Variants in CCDC171 observed in about 807,000 individuals in gnomAD.
The protein encoded by CCDC171 is coiled-coil domain containing 171, also known as coiled-coil domain-containing protein 171.
In CCDC171, 177 loss-of-function variants were observed where a neutral mutation model predicts 168.2. The ratio of observed to expected loss-of-function variants is 1.05; its 90% CI spans 0.93 to 1.19. The LOEUF (loss-of-function observed/expected upper bound fraction) is 1.19, where lower values mean the gene tolerates loss of function less well. Among genes scored for constraint, CCDC171 ranks in the 50% most tolerant of loss-of-function variants. The pLI, the probability that CCDC171 is intolerant of heterozygous loss-of-function variation, is 0.00. For synonymous variants in CCDC171, 687 were observed against 540.8 expected, an observed-to-expected ratio of 1.27 and a Z score of -3.75; for missense variants, 1,991 against 1,539.0, an observed-to-expected ratio of 1.29 and a Z score of -4.91.
At chr9:15,710,610 T>G (rs1476281019) in intron 11 of CCDC171, among the ~76,000 whole-genome samples, 2 of 151,690 alleles carry the variant, frequency 1.3e-5, no homozygotes, top group Non-Finnish European at 2.9e-5. Flanking sequence ...CCTCTTTCAT[T>G]TTTTTGAGAT....
At chr9:15,966,809 C>T (rs1428032190) in intron 25 of CCDC171, among the ~76,000 whole-genome samples, 1 of 151,904 alleles carries the variant, frequency 6.6e-6, no homozygotes, top group East Asian at 1.9e-4. Flanking sequence ...TTCCTACCAG[C>T]TTGTTATTGG....
chr9:16,024,594 G>T (rs556182166), intron 6 of CCDC171, among the ~76,000 whole-genome samples: 17 of 152,342 alleles, frequency 1.1e-4, no homozygotes, highest in African/African-American at 4.1e-4. Flanking sequence ...GAGGAACTGT[G>T]TGCTACTTTC....
intron 25 of CCDC171, among the ~76,000 whole-genome samples, chr9:15,967,282 G>T (rs999557001): frequency 2.0e-5 from 3 of 152,180 alleles, no homozygotes; most frequent in Non-Finnish European, 4.4e-5. Context: ...ATCTGTTTAT[G>T]TGGAGCTGTG....
At chr9:15,953,236 G>T (rs562662401) in intron 25 of CCDC171, among the ~76,000 whole-genome samples, 1 of 152,256 alleles carries the variant, frequency 6.6e-6, no homozygotes, top group East Asian at 1.9e-4. Flanking sequence ...GGTGAAAGGA[G>T]TCAGGTTTGC....
chr9:16,052,815 G>C (rs1467009315), intron 1 of CCDC171, among the ~76,000 whole-genome samples: 1 of 133,300 alleles, frequency 7.5e-6, no homozygotes, highest in Non-Finnish European at 1.6e-5. Context: ...ATTACACTTT[G>C]AGAAGTTGTT....
intron 18 of CCDC171, among the ~76,000 whole-genome samples, chr9:15,757,743 G>A (rs1349675338): frequency 6.6e-6 from 1 of 152,170 alleles, no homozygotes; most frequent in Admixed American, 6.5e-5. Context: ...CCGTGCTGTG[G>A]TCAGCCTAGG....
chr9:15,588,508 C>G (rs1240723497), intron 4 of CCDC171: 1 of 334,456 alleles, frequency 3.0e-6, no homozygotes, highest in Non-Finnish European at 6.0e-6. Context: ...GAAAAGGTAC[C>G]CAAAGGGAAA....
chr9:15,673,078 G>A (rs2133288945), intron 9 of CCDC171, among the ~76,000 whole-genome samples: 1 of 152,260 alleles, frequency 6.6e-6, no homozygotes, highest in East Asian at 1.9e-4. Context: ...CACATCCCTT[G>A]TAAGTTGTAT....
intron 24 of CCDC171, among the ~76,000 whole-genome samples, chr9:15,891,425 G>C (rs1408381322): frequency 6.6e-6 from 1 of 152,140 alleles, no homozygotes; most frequent in Non-Finnish European, 1.5e-5. Context: ...CAAAAGGTCA[G>C]AATTAGGATG....
At chr9:16,072,201 C>T in the CCDC171 span, among the ~76,000 whole-genome samples, 1 of 152,180 alleles carries the variant, frequency 6.6e-6, no homozygotes, top group African/African-American at 2.4e-5. Context: ...TTCCAGTCAC[C>T]ACCCAAGATT....
intron 1 of CCDC171, among the ~76,000 whole-genome samples, chr9:16,054,867 C>G (rs528917400): frequency 4.0e-4 from 61 of 152,106 alleles, no homozygotes; most frequent in Non-Finnish European, 7.9e-4. Context: ...TTGTGACAAC[C>G]CAGACACCCC....
chr9:15,929,467 A>G (rs1826253441), intron 25 of CCDC171, among the ~76,000 whole-genome samples: 1 of 151,724 alleles, frequency 6.6e-6, no homozygotes, highest in African/African-American at 2.4e-5. Context: ...GTTTCTCCTA[A>G]TTCTCCTTTG....
chr9:15,939,880 C>A (rs1255443637), intron 25 of CCDC171, among the ~76,000 whole-genome samples: 13 of 151,778 alleles, frequency 8.6e-5, no homozygotes, highest in Admixed American at 7.9e-4. Context: ...CATAAAGTAT[C>A]AATTACATAC....
chr9:15,688,771 A>G (rs1042015549), intron 10 of CCDC171, among the ~76,000 whole-genome samples: 1 of 152,198 alleles, frequency 6.6e-6, no homozygotes, highest in African/African-American at 2.4e-5. Flanking sequence ...AAGACTGAAT[A>G]CTTTCACCAT....
intron 23 of CCDC171, among the ~76,000 whole-genome samples, chr9:15,868,715 G>T (rs1277523311): frequency 6.6e-6 from 1 of 151,982 alleles, no homozygotes; most frequent in African/African-American, 2.4e-5. Context: ...ACTGTTAATT[G>T]TTCATATATA....
chr9:15,847,893 A>G (rs1225211644), intron 22 of CCDC171, among the ~76,000 whole-genome samples: 1 of 152,100 alleles, frequency 6.6e-6, no homozygotes, highest in African/African-American at 2.4e-5. Context: ...TTGAATAACC[A>G]CTGATAATTT....
intron 24 of CCDC171, among the ~76,000 whole-genome samples, chr9:15,891,958 A>G (rs1452974660): frequency 2.0e-5 from 3 of 152,146 alleles, no homozygotes; most frequent in African/African-American, 7.2e-5. Context: ...GCCTGAATAG[A>G]TCACTAACCT....
At chr9:15,657,552 CT>C (rs1156336501) in intron 8 of CCDC171, among the ~76,000 whole-genome samples, 1 of 152,082 alleles carries the variant, frequency 6.6e-6, no homozygotes, top group African/African-American at 2.4e-5. Flanking sequence ...TTGGAGTGTT[CT>C]TTTACGGCTG....
chr9:15,917,993 T>G (rs1824774714), intron 24 of CCDC171, among the ~76,000 whole-genome samples: 1 of 151,706 alleles, frequency 6.6e-6, no homozygotes, highest in African/African-American at 2.4e-5. Context: ...ACAATGAAAT[T>G]CAATAGTTTA....
Sources: allele counts gnomAD v4.1 joint callset (sites outside exome capture counted in the v4.1 genomes callset), GRCh38; gene constraint gnomAD v4.1.1; transcripts MANE v1.5; gene names NCBI Gene and HGNC (gene_info 2026-07-23, HGNC 2026-07-21).